The following GRM7 variants were observed in gnomAD, a reference collection of about 807,000 sequenced individuals.
GRM7 encodes metabotropic glutamate receptor 7.
A neutral mutation model predicts 84.5 loss-of-function variants in GRM7; 35 were observed. The observed-to-expected ratio is 0.41, with a 90% CI of 0.32 to 0.55. The LOEUF is 0.55. GRM7 is among the 20% of genes least tolerant of loss of function. The pLI is 0.19. For synonymous variants in GRM7, 487 were observed against 455.1 expected (o/e 1.07, Z -0.89); for missense variants, 1,003 against 1,194.6 (o/e 0.84, Z 2.36).
At position 7,092,900 on chromosome 3, in the gene GRM7, T is replaced by C. The variant is rs924807263; in HGVS notation, c.520-53552T>C. Among the ~76,000 whole-genome samples the C allele has an allele frequency of 2.0e-5, 3 of 152,104 alleles. No individual in the cohort carries two copies. In the South Asian group the frequency reaches 6.2e-4, roughly 31 times the overall value. ...AGAGTTAAGGCCAGCCTGGACAACA[T>C]AGTGACACCCCATTTCTACATGTAA... On this transcript the variant is annotated intron_variant, in intron 1 of 9. Transcript: ENST00000357716.
At chr3:6,885,856 A>G (rs1695672353) in intron 1 of GRM7, among the ~76,000 whole-genome samples, 1 of 152,236 alleles carries the variant, frequency 6.6e-6, no homozygotes, top group African/African-American at 2.4e-5. Flanking sequence ...TACAAGAAAT[A>G]TCACTTATTG....
At chr3:7,015,257 G>A (rs1695522765) in intron 1 of GRM7, among the ~76,000 whole-genome samples, 1 of 151,960 alleles carries the variant, frequency 6.6e-6, no homozygotes, top group Non-Finnish European at 1.5e-5. Context: ...TTTAAGAGCT[G>A]TAACACTCAC....
intron 6 of GRM7, among the ~76,000 whole-genome samples, chr3:7,458,639 G>A (rs1446321464): frequency 6.6e-6 from 1 of 152,168 alleles, no homozygotes. Flanking sequence ...AACTAAGATT[G>A]CAAGAAGGGA....
Position 7,328,709 on chromosome 3 carries a change from T to C in GRM7, c.1033+22057T>C, listed in dbSNP as rs557653121. ...CACCTCTTTAAGGTCTGTGAGTCAC[T>C]AATTCTATTTCTTGTAGCTAAATGC... is the stretch of plus-strand genomic sequence containing the variant. On this transcript the variant is annotated intron_variant, in intron 4 of 9. Coordinates refer to ENST00000357716, the MANE Select transcript of GRM7 (RefSeq NM_000844.4). Among the ~76,000 whole-genome samples, 5 of 152,354 alleles carry C rather than the reference T, an allele frequency of 3.3e-5. No individual in the cohort carries two copies. The South Asian group carries it at 1.0e-3, about 32-fold the overall frequency.
chr3:7,516,182 A>G (rs1700372268), intron 7 of GRM7, among the ~76,000 whole-genome samples: 2 of 148,296 alleles, frequency 1.3e-5, no homozygotes, highest in African/African-American at 2.5e-5. Flanking sequence ...AAAAAAAAAA[A>G]AAAAAAGGGC....
chr3:7,671,055 C>T (rs191837904), intron 8 of GRM7, among the ~76,000 whole-genome samples: 8 of 152,226 alleles, frequency 5.3e-5, no homozygotes, highest in Admixed American at 2.0e-4. Context: ...CACAACAGGG[C>T]AAATAGTACC....
At chr3:7,619,404 C>T (rs748645486) in intron 8 of GRM7, among the ~76,000 whole-genome samples, 22 of 151,534 alleles carry the variant, frequency 1.5e-4, no homozygotes, top group African/African-American at 4.4e-4. Flanking sequence ...GAGAAATGGG[C>T]GGATTTCAGA....
At chr3:7,150,797 G>T (rs1003755689) in intron 2 of GRM7, among the ~76,000 whole-genome samples, 14 of 152,056 alleles carry the variant, frequency 9.2e-5, no homozygotes, top group African/African-American at 3.4e-4. Context: ...TCAAAGTGAG[G>T]GTCAAGGTAA....
chr3:7,673,253 G>T (rs1213832586), intron 8 of GRM7, among the ~76,000 whole-genome samples: 2 of 152,114 alleles, frequency 1.3e-5, no homozygotes, highest in Non-Finnish European at 2.9e-5. Flanking sequence ...ACAAATAATA[G>T]CTTTTCTTGA....
intron 8 of GRM7, among the ~76,000 whole-genome samples, chr3:7,642,627 A>T (rs970796947): frequency 6.6e-6 from 1 of 152,160 alleles, no homozygotes; most frequent in African/African-American, 2.4e-5. Flanking sequence ...GCTTTAAATA[A>T]GGCTGTGCTT....
chr3:7,642,493 C>T (rs1215210247), intron 8 of GRM7, among the ~76,000 whole-genome samples: 1 of 152,050 alleles, frequency 6.6e-6, no homozygotes, highest in Non-Finnish European at 1.5e-5. Context: ...TCATGCCTTG[C>T]CTAGAAAATG....
chr3:7,410,625 A>AC (rs59349079), intron 4 of GRM7, among the ~76,000 whole-genome samples: 1 of 146,568 alleles, frequency 6.8e-6, no homozygotes, highest in Non-Finnish European at 1.5e-5. Context: ...ACACACACAC[A>AC]AATACACACA....
In GRM7 at chr3:7,623,874, G is replaced by GA. The variant is rs372595753; in HGVS notation, c.2451+44520dup. Among the ~76,000 whole-genome samples the GA allele has an allele frequency of 3.5e-4, 54 of 152,252 alleles. 1 individual carries two copies. The highest frequency in any genetic ancestry group is 1.3e-3 in the African/African-American group (53 of 41,560). ...GTTTATTCTACAGAGAAAAGAAGGGGAAACCTCATGACCTAGAAGGGCAAT... is the reference window on the plus strand; with the variant it reads ...GTTTATTCTACAGAGAAAAGAAGGGGAAAACCTCATGACCTAGAAGGGCAAT... On this transcript the variant is annotated intron_variant, in intron 8 of 9. Coordinates refer to ENST00000357716, the MANE Select transcript of GRM7 (RefSeq NM_000844.4).
chr3:7,428,978 GCTT>G (rs1696720474), intron 5 of GRM7, among the ~76,000 whole-genome samples: 1 of 152,122 alleles, frequency 6.6e-6, no homozygotes, highest in South Asian at 2.1e-4. Context: ...AGTAGCTCTT[GCTT>G]CTTCTTTTTG....
At chr3:6,917,985 A>T (rs954998519) in intron 1 of GRM7, among the ~76,000 whole-genome samples, 1 of 152,202 alleles carries the variant, frequency 6.6e-6, no homozygotes, top group Non-Finnish European at 1.5e-5. Context: ...TGCACAATTG[A>T]TAAGCTAAGG....
At chr3:7,655,359 CA>C (rs1346899311) in intron 8 of GRM7, among the ~76,000 whole-genome samples, 2 of 152,262 alleles carry the variant, frequency 1.3e-5, no homozygotes, top group East Asian at 3.9e-4. Context: ...ACTCTTCACC[CA>C]ATAACAAGAT....
chr3:6,978,324 G>T (rs1293785204), intron 1 of GRM7, among the ~76,000 whole-genome samples: 14 of 152,126 alleles, frequency 9.2e-5, no homozygotes, highest in Admixed American at 9.2e-4. Context: ...TCTGGAGGGA[G>T]TGATGCCCCC....
intron 5 of GRM7, among the ~76,000 whole-genome samples, chr3:7,433,233 A>G (rs1696902899): frequency 6.6e-6 from 1 of 152,238 alleles, no homozygotes; most frequent in African/African-American, 2.4e-5. Context: ...AGAAGTCTAC[A>G]TAAGCAGAGA....
At chr3:6,892,455 C>A (rs965568480) in intron 1 of GRM7, among the ~76,000 whole-genome samples, 3 of 152,244 alleles carry the variant, frequency 2.0e-5, no homozygotes, top group African/African-American at 7.2e-5. Flanking sequence ...AATAACCTTT[C>A]AAAAATCATT....
Sources: allele counts gnomAD v4.1 joint callset (sites outside exome capture counted in the v4.1 genomes callset), GRCh38; gene constraint gnomAD v4.1.1; transcripts MANE v1.5; gene names NCBI Gene and HGNC (gene_info 2026-07-23, HGNC 2026-07-21).